Variants in FLG observed in about 807,000 individuals in gnomAD.
FLG encodes filaggrin.
Under a neutral mutation model 3.8 loss-of-function variants are expected in FLG, and 6 were observed. That is an observed-to-expected ratio of 1.60 (90% confidence interval 0.87 to 3.15). FLG has a LOEUF of 3.15. Among genes scored for constraint, FLG ranks in the 30% most tolerant of loss-of-function variants. The pLI is 0.00. For missense variants in FLG, 7,595 were observed against 5,050.9 expected (o/e 1.50, Z -15.27); for synonymous variants, 2,551 against 1,931.6 (o/e 1.32, Z -8.41).
rs535514403 is a variant in FLG at position 152,303,773 on chromosome 1, C to T, written c.11113G>A (p.Gly3705Arg). Reference protein sequence around the residue: ...STRGRSAGRSGRSGSFLYQVS... With the variant: ...STRGRSAGRSRRSGSFLYQVS... Reference sequence around the variant, plus strand: ...TGGTAGAGGAAAGACCCTGAACGTCCAGACCTTCCTGCTGACCGGCCACGT... The same window carrying T: ...TGGTAGAGGAAAGACCCTGAACGTCTAGACCTTCCTGCTGACCGGCCACGT... The change falls in exon 3 of 3, where the codon GGA becomes AGA. Residue 3705 changes from glycine to arginine, a missense_variant. Transcript: ENST00000368799. 1 of 1,613,712 alleles carries T rather than the reference C, an allele frequency of 6.2e-7. No homozygotes were observed. Among genetic ancestry groups the T allele is most frequent in the Admixed American group, 1.7e-5 (1 of 59,912 alleles).
Position 152,302,974 on chromosome 1 carries a change from C to T in FLG, c.11912G>A (p.Gly3971Asp), listed in dbSNP as rs913192488. 5.0e-6 allele frequency: 8 copies of T among 1,614,046 alleles called. No homozygotes were observed. In the African/African-American group the frequency reaches 9.3e-5, roughly 19 times the overall value. The change falls in exon 3 of 3, where the codon GGT (glycine) becomes GAT (aspartate). Residue 3971 changes from glycine (G) to aspartate (D), a missense_variant. Physicochemically the swap from Gly to Asp is moderately conservative, Grantham distance 94. Coordinates refer to ENST00000368799, the MANE Select transcript of FLG (RefSeq NM_002016.2). ...EGTERQKGQS[G>D]LVWRHGSYGS... Reference sequence around the variant, plus strand: ...ATAGCTGCCATGTCTCCAAACTAAACCTGATTGACCTTTTTGCCTTTCAGT... The same window carrying T: ...ATAGCTGCCATGTCTCCAAACTAAATCTGATTGACCTTTTTGCCTTTCAGT...
At position 152,305,541 on chromosome 1, in the gene FLG, C is replaced by A; in HGVS notation, c.9345G>T (p.Gly3115=). 3 of 1,531,854 alleles carry A rather than the reference C, an allele frequency of 2.0e-6. No homozygotes were observed. The highest frequency in any genetic ancestry group is 2.6e-6 in the Non-Finnish European group (3 of 1,145,854). The allele number at this position is 1,531,854 out of a possible 1,614,324, so 94.9% of individuals were successfully genotyped here. The part of the protein sequence containing the change: ...YGQDTIRGHP[G]SSRGGRQGYH... ...ACCCCTGCCTTCCTCCTCTGCTTGA[C>A]CCCGGGTGTCCACGAATGGTGTCCT... The change falls in exon 3 of 3, where the codon GGG becomes GGT. Residue 3115 remains glycine (G), a synonymous_variant. Transcript: ENST00000368799.
At chr1:152,323,534 C>T (rs74127918) in intron 1 of FLG, among the ~76,000 whole-genome samples, 1,731 of 151,848 alleles carry the variant, frequency 0.011, 26 homozygotes, top group African/African-American at 0.039. Flanking sequence ...CATATCAAAA[C>T]TTCTCAACCT....
chr1:152,313,086 G>A lies in FLG; in HGVS notation c.1800C>T (p.His600=), dbSNP rs2101651239. The stretch of plus-strand genomic sequence containing the variant: ...ATGATTGTCCCTGGCCCACCTGTGA[G>A]TGTCTAGAGCTGTCAGCCTGAGAGG... ...EASSQADSSR[H]SQVGQGQSSG... The change falls in exon 3 of 3, where the codon CAC becomes CAT. Residue 600 remains histidine (H), a synonymous_variant. Coordinates refer to ENST00000368799, the MANE Select transcript of FLG (RefSeq NM_002016.2). The A allele has an allele frequency of 6.2e-7, 1 of 1,613,950 alleles. No homozygotes were observed. The highest frequency in any genetic ancestry group is 1.1e-5 in the South Asian group (1 of 91,066).
chr1:152,303,952 C>G lies in FLG; in HGVS notation c.10934G>C (p.Gly3645Ala). ...GTCTCTGACTGCAGATGAAGCTTGTCCGTGCCCAATGCCTGAGTGTCTGGA... is the reference window on the plus strand; with the variant it reads ...GTCTCTGACTGCAGATGAAGCTTGTGCGTGCCCAATGCCTGAGTGTCTGGA... ...DSSRHSGIGH[G>A]QASSAVRDSG... Residue 3645 changes from glycine to alanine, a missense_variant, in exon 3 of 3, where the codon GGA becomes GCA. By Grantham distance (60) the Gly-to-Ala change is moderately conservative (BLOSUM62 0). Coordinates refer to ENST00000368799, the MANE Select transcript of FLG (RefSeq NM_002016.2). 1 of 1,613,946 alleles carries G rather than the reference C, an allele frequency of 6.2e-7. No individual in the cohort carries two copies. The highest frequency in any genetic ancestry group is 8.5e-7 in the Non-Finnish European group (1 of 1,179,990).
Position 152,304,563 on chromosome 1 carries a change from G to A in FLG, c.10323C>T (p.Ser3441=). ...AGTGGGATCCCTGCCTTCCTCTTCT[G>A]CTTGACCCCGGGTGTCCACGAATGG... The part of the protein sequence containing the change: ...QDTIRGHPGS[S]RRGRQGSHYE... Residue 3441 remains serine (S), a synonymous_variant, in exon 3 of 3, where the codon AGC becomes AGT. Coordinates refer to ENST00000368799, the MANE Select transcript of FLG (RefSeq NM_002016.2). 1.2e-6 allele frequency: 2 copies of A among 1,609,482 alleles called. No homozygotes were observed. The highest frequency in any genetic ancestry group is 1.7e-6 in the Non-Finnish European group (2 of 1,177,684).
In FLG at chr1:152,310,218, G is replaced by A. The variant is rs1652306665; in HGVS notation, c.4668C>T (p.His1556=). The stretch of plus-strand genomic sequence containing the variant: ...AAGGTTCATGGTGACGTGACCCTGA[G>A]TGCCTGGAGCCGTCTCCTGATTGTT... ...NEEQSGDGSR[H]SGSRHHEPST... Residue 1556 remains histidine, a synonymous_variant, in exon 3 of 3, where the codon CAC becomes CAT. Coordinates refer to ENST00000368799, the MANE Select transcript of FLG (RefSeq NM_002016.2). 1.2e-6 allele frequency: 2 copies of A among 1,613,752 alleles called. No homozygotes were observed. Among genetic ancestry groups the A allele is most frequent in the Non-Finnish European group, 1.7e-6 (2 of 1,180,000 alleles).
Position 152,307,296 on chromosome 1 carries a change from T to C in FLG, c.7590A>G (p.Ser2530=), listed in dbSNP as rs749426339. 6 of 1,613,558 alleles carry C rather than the reference T, an allele frequency of 3.7e-6. No homozygotes were observed. The East Asian group carries it at 1.3e-4, about 36-fold the overall frequency. ...AGGAAGCTTCATGGTGACGCGACCC[T>C]GAGTGCCTGGAGCCGTCTCCTGATT... ...DEQSGDGSRH[S]GSRHHEASSR... The change falls in exon 3 of 3, where the codon TCA becomes TCG. Residue 2530 remains serine, a synonymous_variant. Transcript: ENST00000368799.
chr1:152,316,102 A>G (rs1174370320), intron 1 of FLG, among the ~76,000 whole-genome samples: 1 of 152,184 alleles, frequency 6.6e-6, no homozygotes, highest in Non-Finnish European at 1.5e-5. Flanking sequence ...CTCATTGGTG[A>G]AGAAATTAGT....
chr1:152,313,812 A>G lies in FLG; in HGVS notation c.1074T>C (p.Thr358=). 1 of 1,614,030 alleles carries G rather than the reference A, an allele frequency of 6.2e-7. No individual in the cohort carries two copies. The highest frequency in any genetic ancestry group is 8.5e-7 in the Non-Finnish European group (1 of 1,180,012). The change falls in exon 3 of 3, where the codon ACT becomes ACC. Residue 358 remains threonine, a synonymous_variant. Coordinates refer to ENST00000368799, the MANE Select transcript of FLG (RefSeq NM_002016.2). ...CACGAGAGGAAGTCTCTGCGTGACG[A>G]GTGCCTGATTGTCTGGAGCTGTCTG... ...HSADSSRQSG[T]RHAETSSRGQ... is the part of the protein sequence containing the mutation.
Position 152,310,807 on chromosome 1 carries a change from C to A in FLG, c.4079G>T (p.Arg1360Leu), listed in dbSNP as rs11586631. 6.2e-7 allele frequency: 1 copy of A among 1,613,212 alleles called. No homozygotes were observed. The highest frequency in any genetic ancestry group is 1.3e-5 in the African/African-American group (1 of 74,506). ...GGAGCTGTCTGCTGACTGCTGGTGG[C>A]GGGATCCATGTCTTTCTCCTGGACT... ...RSSPGERHGS[R>L]HQQSADSSRH... is the part of the protein sequence containing the mutation. The change falls in exon 3 of 3, where the codon CGC (arginine) becomes CTC (leucine). Residue 1360 changes from arginine to leucine, a missense_variant. Coordinates refer to ENST00000368799, the MANE Select transcript of FLG (RefSeq NM_002016.2).
rs776272354 is a variant in FLG, at chr1:152,313,008, G to T, written c.1878C>A (p.Asp626Glu). Residue 626 changes from aspartate to glutamate, a missense_variant, in exon 3 of 3, where the codon GAC (aspartate) becomes GAA (glutamate). Asp to Glu is a conservative substitution (Grantham distance 45). Coordinates refer to ENST00000368799, the MANE Select transcript of FLG (RefSeq NM_002016.2). ...NQGSSVSQDS[D>E]SQGHSEDSER... is the part of the protein sequence containing the mutation. The stretch of plus-strand genomic sequence containing the variant: ...CAGAGTCTTCTGAGTGTCCCTGACT[G>T]TCACTGTCCTGGCTAACACTGGATC... The T allele has an allele frequency of 4.3e-6, 7 of 1,613,988 alleles. No individual in the cohort carries two copies. The highest frequency in any genetic ancestry group is 5.9e-6 in the Non-Finnish European group (7 of 1,180,012).
At position 152,310,613 on chromosome 1, in the gene FLG, CTT is replaced by C. The variant is rs749451902; in HGVS notation, c.4271_4272del (p.Lys1424ArgfsTer25). On this transcript the variant is annotated frameshift_variant, in exon 3 of 3. Transcript: ENST00000368799. LOFTEE classifies it low-confidence loss of function (END_TRUNC). Reference sequence around the variant, plus strand: ...TCCCCTGACTGGCCACGTGCGGACTCTTTGTGGCTCTGCTGATGGGGCCCAGC... The same window carrying C: ...TCCCCTGACTGGCCACGTGCGGACTCTGTGGCTCTGCTGATGGGGCCCAGC... ...GQAGPHQQSH[K>X]ESARGQSGES... The C allele has an allele frequency of 8.7e-6, 14 of 1,613,888 alleles. No individual in the cohort carries two copies. In the East Asian group the frequency reaches 2.2e-4, roughly 26 times the overall value.
Position 152,313,048 on chromosome 1 carries a change from G to T in FLG, c.1838C>A (p.Thr613Lys), listed in dbSNP as rs1282598605. ...AACACTGGATCCCTGGTTCCTACTTGTCCTGGGCCCCGATGATTGTCCCTG... is the reference window on the plus strand; with the variant it reads ...AACACTGGATCCCTGGTTCCTACTTTTCCTGGGCCCCGATGATTGTCCCTG... ...VGQGQSSGPR[T>K]SRNQGSSVSQ... Residue 613 changes from threonine to lysine, a missense_variant, in exon 3 of 3, where the codon ACA (threonine) becomes AAA (lysine). Physicochemically the swap from Thr to Lys is moderately conservative, Grantham distance 78. Transcript: ENST00000368799. The T allele has an allele frequency of 2.0e-5, 33 of 1,613,830 alleles. No individual in the cohort carries two copies. Among genetic ancestry groups the T allele is most frequent in the Non-Finnish European group, 2.5e-5 (30 of 1,180,024 alleles).
Position 152,302,417 on chromosome 1 carries a change from A to G in FLG, c.*283T>C. On this transcript the variant is annotated 3_prime_UTR_variant, in exon 3 of 3. Coordinates refer to ENST00000368799, the MANE Select transcript of FLG (RefSeq NM_002016.2). ...CTAAAACTTAAACTTTCAAAAACAT[A>G]AAACATTACTTGACCCAGAATCTCC... 1 of 411,718 alleles carries G rather than the reference A, an allele frequency of 2.4e-6. No individual in the cohort carries two copies. Among genetic ancestry groups the G allele is most frequent in the South Asian group, 3.0e-5 (1 of 33,802 alleles). 25.5% of individuals were successfully genotyped at this position (411,718 alleles called of 1,614,324 possible).
Position 152,307,293 on chromosome 1 carries a change from C to G in FLG, c.7593G>C (p.Gly2531=). The change falls in exon 3 of 3, where the codon GGG becomes GGC. Residue 2531 remains glycine (G), a synonymous_variant. Transcript: ENST00000368799. The stretch of plus-strand genomic sequence containing the variant: ...GAGAGGAAGCTTCATGGTGACGCGA[C>G]CCTGAGTGCCTGGAGCCGTCTCCTG... The part of the protein sequence containing the change: ...EQSGDGSRHS[G]SRHHEASSRA... The G allele has an allele frequency of 6.2e-7, 1 of 1,613,076 alleles. No individual in the cohort carries two copies. The highest frequency in any genetic ancestry group is 8.5e-7 in the Non-Finnish European group (1 of 1,179,884).
In FLG at chr1:152,309,353, G is replaced by A; in HGVS notation, c.5533C>T (p.His1845Tyr). The change falls in exon 3 of 3, where the codon CAC (histidine) becomes TAC (tyrosine). Residue 1845 changes from histidine (H) to tyrosine (Y), a missense_variant. Transcript: ENST00000368799. ...TCAGACCTTTCCTGGGACGTGGTGTGGCTGTGATGAGACCCTGAGTGTCCA... is the reference window on the plus strand; with the variant it reads ...TCAGACCTTTCCTGGGACGTGGTGTAGCTGTGATGAGACCCTGAGTGTCCA... ...SSGHSGSHHS[H>Y]TTSQERSDVS... 6.2e-7 allele frequency: 1 copy of A among 1,613,850 alleles called. No homozygotes were observed. The highest frequency in any genetic ancestry group is 8.5e-7 in the Non-Finnish European group (1 of 1,179,982).
At position 152,304,201 on chromosome 1, in the gene FLG, T is replaced by A. The variant is rs1651778731; in HGVS notation, c.10685A>T (p.Asn3562Ile). ...CTGCTCCTGAGCAGATCCACGATGGTTTCTGGAAGCAGACCCAGACCACCT... is the reference window on the plus strand; with the variant it reads ...CTGCTCCTGAGCAGATCCACGATGGATTCTGGAAGCAGACCCAGACCACCT... ...SERWSGSASRNHRGSAQEQSR... is the reference protein window; with the variant it reads ...SERWSGSASRIHRGSAQEQSR... The change falls in exon 3 of 3, where the codon AAC becomes ATC. Residue 3562 changes from asparagine to isoleucine, a missense_variant. Asn to Ile is a moderately radical substitution (Grantham distance 149, BLOSUM62 -3). Coordinates refer to ENST00000368799, the MANE Select transcript of FLG (RefSeq NM_002016.2). 5 of 1,611,294 alleles carry A rather than the reference T, an allele frequency of 3.1e-6. No individual in the cohort carries two copies. Among genetic ancestry groups the A allele is most frequent in the Non-Finnish European group, 4.2e-6 (5 of 1,179,472 alleles).
intron 1 of FLG, among the ~76,000 whole-genome samples, chr1:152,321,015 G>C (rs1385014594): frequency 6.6e-6 from 1 of 150,660 alleles, no homozygotes; most frequent in Non-Finnish European, 1.5e-5. Context: ...ATAACTTGTG[G>C]AATACATTAA....
Sources: gnomAD v4.1 joint callset for allele counts (sites outside exome capture counted in the v4.1 genomes callset) on GRCh38, gnomAD v4.1.1 for gene constraint, MANE v1.5 for transcripts, NCBI Gene and HGNC (gene_info 2026-07-23, HGNC 2026-07-21) for gene names.